Variants in TYW1B observed in about 807,000 individuals in gnomAD.
The protein encoded by TYW1B is tRNA-yW synthesizing protein 1 homolog B.
TYW1B carries 73 observed loss-of-function variants against 86.9 expected under a neutral mutation model. The ratio of observed to expected loss-of-function variants is 0.84; its 90% CI spans 0.70 to 1.02. The LOEUF is 1.02. Among genes scored for constraint, TYW1B ranks in the 50% least tolerant of loss-of-function variants. The pLI is 0.00. For synonymous variants in TYW1B, 248 were observed against 292.8 expected (o/e 0.85, Z 1.56); for missense variants, 637 against 827.4 (o/e 0.77, Z 2.82).
chr7:72,689,454 G>A (rs375729280), intron 11 of TYW1B, among the ~76,000 whole-genome samples: 1 of 152,122 alleles, frequency 6.6e-6, no homozygotes. Context: ...CTTGGGAGTA[G>A]CTGAGACTTT....
At chr7:72,661,570 G>A (rs1226527607) in intron 11 of TYW1B, among the ~76,000 whole-genome samples, 2 of 147,666 alleles carry the variant, frequency 1.4e-5, no homozygotes, top group Admixed American at 6.8e-5. Flanking sequence ...AATTAAAGGT[G>A]TATAAAATGT....
At chr7:72,576,452 T>C (rs1343891339) in intron 13 of TYW1B, among the ~76,000 whole-genome samples, 2 of 152,062 alleles carry the variant, frequency 1.3e-5, no homozygotes, top group Admixed American at 1.3e-4. Context: ...TGTAAATGTA[T>C]TAACTAATAC....
chr7:72,732,497 T>C (rs1322581348), intron 8 of TYW1B, among the ~76,000 whole-genome samples: 3 of 152,080 alleles, frequency 2.0e-5, no homozygotes, highest in Non-Finnish European at 4.4e-5. Context: ...GGAAACCAAA[T>C]AGCACACTCT....
intron 5 of TYW1B, among the ~76,000 whole-genome samples, chr7:72,804,812 G>T (rs1218283435): frequency 1.3e-5 from 2 of 152,168 alleles, no homozygotes; most frequent in Non-Finnish European, 2.9e-5. Context: ...CTCCAGCCTG[G>T]GGGACAGACT....
chr7:72,735,934 G>T (rs1485150988), intron 8 of TYW1B, among the ~76,000 whole-genome samples: 2 of 151,832 alleles, frequency 1.3e-5, no homozygotes, highest in Non-Finnish European at 2.9e-5. Context: ...ATTGGCTTTT[G>T]CTATACTCAC....
At chr7:72,580,873 AC>A (rs1811136932) in intron 13 of TYW1B, among the ~76,000 whole-genome samples, 1 of 141,490 alleles carries the variant, frequency 7.1e-6, no homozygotes. Flanking sequence ...CAGAAGCTGA[AC>A]AGATGATGGG....
At chr7:72,805,374 A>G (rs1788475942) in intron 5 of TYW1B, among the ~76,000 whole-genome samples, 2 of 150,000 alleles carry the variant, frequency 1.3e-5, no homozygotes, top group Non-Finnish European at 3.0e-5. Flanking sequence ...GCATTTTGGG[A>G]GGCCGGGCCA....
chr7:72,696,953 G>A (rs550328542), intron 10 of TYW1B, among the ~76,000 whole-genome samples: 1 of 149,452 alleles, frequency 6.7e-6, no homozygotes, highest in African/African-American at 2.5e-5. Flanking sequence ...AGTAATAACA[G>A]CATTCTGTCT....
chr7:72,733,385 C>T lies in TYW1B; in HGVS notation c.1083-4454G>A, dbSNP rs193112275. On this transcript the variant is annotated intron_variant, in intron 8 of 13. Transcript: ENST00000620995. ...AAAGGTATAAAAATCCTTGGCCGGG[C>T]GCGGTGGCTCACGCCTGTAATCCCA... Among the ~76,000 whole-genome samples the T allele has an allele frequency of 2.6e-4, 40 of 152,282 alleles. No homozygotes were observed. The South Asian group carries it at 7.7e-3, about 29-fold the overall frequency.
intron 6 of TYW1B, among the ~76,000 whole-genome samples, chr7:72,798,403 T>A (rs1170765836): frequency 5.3e-5 from 8 of 150,514 alleles, no homozygotes; most frequent in African/African-American, 1.5e-4. Context: ...AAAAAAAAAA[T>A]AAGTCGATAT....
At position 72,718,855 on chromosome 7, in the gene TYW1B, T is replaced by C. The variant is rs1259055375; in HGVS notation, c.1193-5057A>G. On this transcript the variant is annotated intron_variant, in intron 9 of 13. Transcript: ENST00000620995. The stretch of plus-strand genomic sequence containing the variant: ...CAAAACCAACCTAAAACTCAGAAAG[T>C]GGAAGGAGCATCGGCTAGGCCCTGG... 7.9e-5 allele frequency among the ~76,000 whole-genome samples: 12 copies of C among 152,226 alleles called. No homozygotes were observed. The South Asian group carries it at 1.5e-3, about 18-fold the overall frequency.
At chr7:72,695,735 T>C (rs1337694011) in intron 10 of TYW1B, among the ~76,000 whole-genome samples, 4 of 151,950 alleles carry the variant, frequency 2.6e-5, no homozygotes, top group Non-Finnish European at 4.4e-5. Flanking sequence ...TGGGACCACA[T>C]GCATGTGCCA....
intron 13 of TYW1B, among the ~76,000 whole-genome samples, chr7:72,594,673 G>A (rs1811484677): frequency 1.3e-5 from 2 of 152,032 alleles, no homozygotes; most frequent in African/African-American, 4.8e-5. Context: ...GCATTATCCT[G>A]ATACCAAAGC....
At chr7:72,804,001 C>G (rs1188248895) in intron 5 of TYW1B, among the ~76,000 whole-genome samples, 3 of 151,838 alleles carry the variant, frequency 2.0e-5, no homozygotes, top group African/African-American at 7.3e-5. Context: ...TTAAAAGAAA[C>G]AGGCTGGACA....
intron 11 of TYW1B, among the ~76,000 whole-genome samples, chr7:72,693,542 A>G (rs35426757): frequency 2.5e-3 from 377 of 151,116 alleles, no homozygotes; most frequent in South Asian, 7.5e-3. Context: ...CTGAGTAGCT[A>G]GGACCACAGG....
chr7:72,727,300 TGGCTG>T (rs1164760413), intron 9 of TYW1B, among the ~76,000 whole-genome samples: 2 of 152,144 alleles, frequency 1.3e-5, no homozygotes, highest in Non-Finnish European at 2.9e-5. Context: ...AAAACAGTCT[TGGCTG>T]GGACTATTTT....
In TYW1B at chr7:72,716,360, A is replaced by G. The variant is rs535639409; in HGVS notation, c.1193-2562T>C. Among the ~76,000 whole-genome samples, 34 of 152,372 alleles carry G rather than the reference A, an allele frequency of 2.2e-4. No individual in the cohort carries two copies. The South Asian group carries it at 7.0e-3, about 32-fold the overall frequency. On this transcript the variant is annotated intron_variant, in intron 9 of 13. Transcript: ENST00000620995. Reference sequence around the variant, plus strand: ...CTTAGCGGAGTGTCTGGCACACAAGAAACGTTCATTAACAATTTGCTATTA... The same window carrying G: ...CTTAGCGGAGTGTCTGGCACACAAGGAACGTTCATTAACAATTTGCTATTA...
chr7:72,718,031 G>A (rs561375360), intron 9 of TYW1B, among the ~76,000 whole-genome samples: 34 of 152,192 alleles, frequency 2.2e-4, no homozygotes, highest in Non-Finnish European at 4.7e-4. Flanking sequence ...TATGTTCATC[G>A]CAGCACTATT....
At chr7:72,775,637 T>C (rs1317457511) in intron 7 of TYW1B, among the ~76,000 whole-genome samples, 7 of 151,776 alleles carry the variant, frequency 4.6e-5, no homozygotes, top group Non-Finnish European at 1.0e-4. Context: ...CATTTTCAGA[T>C]ATACGAAAGC....
Sources: gnomAD v4.1 joint callset for allele counts (sites outside exome capture counted in the v4.1 genomes callset) on GRCh38, gnomAD v4.1.1 for gene constraint, MANE v1.5 for transcripts, NCBI Gene and HGNC (gene_info 2026-07-23, HGNC 2026-07-21) for gene names.